CNTNAP2: variants seen among roughly 807,000 people sequenced by gnomAD.
CNTNAP2 encodes the protein contactin associated protein 2, also known as contactin-associated protein-like 2.
CNTNAP2 carries 98 observed loss-of-function variants against 155.2 expected under a neutral mutation model. That is an observed-to-expected ratio of 0.63 (90% CI 0.54 to 0.75). The LOEUF is 0.75. Among genes scored for constraint, CNTNAP2 ranks in the 30% least tolerant of loss-of-function variants. The pLI, the probability that CNTNAP2 is intolerant of heterozygous loss-of-function variation, is 0.00. For synonymous variants in CNTNAP2, 651 were observed against 631.2 expected, an observed-to-expected ratio of 1.03 and a Z score of -0.47; for missense variants, 1,727 against 1,688.1, an observed-to-expected ratio of 1.02 and a Z score of -0.40.
intron 1 of CNTNAP2, among the ~76,000 whole-genome samples, chr7:146,217,533 C>T (rs1562993687): frequency 6.6e-6 from 1 of 152,110 alleles, no homozygotes; most frequent in African/African-American, 2.4e-5. Context: ...TTAGAAGAAA[C>T]CTGAGGCGCA....
intron 13 of CNTNAP2, among the ~76,000 whole-genome samples, chr7:147,859,557 A>G: frequency 6.6e-6 from 1 of 152,124 alleles, no homozygotes; most frequent in East Asian, 1.9e-4. Flanking sequence ...ACATATTTTA[A>G]GACAGTTTTC....
At chr7:148,240,874 G>C (rs1046497679) in intron 20 of CNTNAP2, among the ~76,000 whole-genome samples, 1 of 152,136 alleles carries the variant, frequency 6.6e-6, no homozygotes. Context: ...AAAGATGAAG[G>C]CCAGAAGATG....
At chr7:146,685,789 T>C (rs567889941) in intron 1 of CNTNAP2, among the ~76,000 whole-genome samples, 7 of 152,318 alleles carry the variant, frequency 4.6e-5, no homozygotes, top group African/African-American at 1.2e-4. Context: ...CTGATATATT[T>C]TCTATTAAAC....
chr7:146,805,136 TG>T (rs1802944694), intron 2 of CNTNAP2, among the ~76,000 whole-genome samples: 1 of 152,126 alleles, frequency 6.6e-6, no homozygotes, highest in African/African-American at 2.4e-5. Context: ...TCATAGTGTT[TG>T]GGGTCTTAAG....
At chr7:148,046,523 T>A (rs1443420573) in intron 15 of CNTNAP2, among the ~76,000 whole-genome samples, 1 of 152,194 alleles carries the variant, frequency 6.6e-6, no homozygotes, top group Admixed American at 6.5e-5. Context: ...AGTAATGTAG[T>A]TACTATCTGT....
At chr7:147,736,408 C>T (rs1469780476) in intron 13 of CNTNAP2, among the ~76,000 whole-genome samples, 1 of 152,172 alleles carries the variant, frequency 6.6e-6, no homozygotes, top group Admixed American at 6.5e-5. Flanking sequence ...GTCTGATGGG[C>T]TTCCCTTTGT....
chr7:147,781,788 C>A (rs534397837), intron 13 of CNTNAP2, among the ~76,000 whole-genome samples: 20 of 152,302 alleles, frequency 1.3e-4, no homozygotes, highest in Admixed American at 7.2e-4. Flanking sequence ...CTTTGGGAGG[C>A]TGAGGCGGGC....
At chr7:147,312,961 G>C (rs923036702) in intron 9 of CNTNAP2, among the ~76,000 whole-genome samples, 1 of 138,286 alleles carries the variant, frequency 7.2e-6, no homozygotes, top group Non-Finnish European at 1.5e-5. Flanking sequence ...ATTCTAACTG[G>C]TGTGAGATGG....
At chr7:147,686,366 C>A (rs1042596111) in intron 13 of CNTNAP2, among the ~76,000 whole-genome samples, 1 of 151,982 alleles carries the variant, frequency 6.6e-6, no homozygotes, top group Non-Finnish European at 1.5e-5. Flanking sequence ...CAGAAGTTAG[C>A]TCTAGACTCT....
chr7:147,097,676 G>C (rs542007061), intron 4 of CNTNAP2: 2 of 152,308 alleles, frequency 1.3e-5, no homozygotes, highest in South Asian at 4.1e-4. Flanking sequence ...AATTCAAGAT[G>C]AGATTTGGGT....
intron 8 of CNTNAP2, among the ~76,000 whole-genome samples, chr7:147,211,295 A>G (rs1803140182): frequency 6.6e-6 from 1 of 152,026 alleles, no homozygotes; most frequent in Non-Finnish European, 1.5e-5. Context: ...TACTTGTTTT[A>G]TGAATCTGGG....
At chr7:147,694,207 A>G (rs2116995879) in intron 13 of CNTNAP2, among the ~76,000 whole-genome samples, 1 of 152,188 alleles carries the variant, frequency 6.6e-6, no homozygotes, top group South Asian at 2.1e-4. Flanking sequence ...AATAAATCAC[A>G]GTTGTTCATA....
intron 1 of CNTNAP2, among the ~76,000 whole-genome samples, chr7:146,471,904 C>G (rs1796804677): frequency 6.6e-6 from 1 of 152,094 alleles, no homozygotes; most frequent in African/African-American, 2.4e-5. Flanking sequence ...GGGACCAGTT[C>G]TGGTAGCTGA....
intron 13 of CNTNAP2, among the ~76,000 whole-genome samples, chr7:147,717,591 C>G (rs1240462507): frequency 1.3e-5 from 2 of 152,042 alleles, no homozygotes; most frequent in African/African-American, 4.8e-5. Context: ...ATAGAACTTA[C>G]ACTGCAACTT....
intron 10 of CNTNAP2, among the ~76,000 whole-genome samples, chr7:147,481,162 T>C (rs28430910): frequency 0.3 from 46,285 of 152,072 alleles, 7,761 homozygotes; most frequent in Non-Finnish European, 0.37. Flanking sequence ...TTTTAAAATG[T>C]CTATTTTAAC....
At chr7:146,987,521 G>A (rs1798133844) in intron 3 of CNTNAP2, among the ~76,000 whole-genome samples, 1 of 152,058 alleles carries the variant, frequency 6.6e-6, no homozygotes. Context: ...AGATTTGGAT[G>A]AATTAATTGT....
At chr7:146,425,084 C>G (rs1035646967) in intron 1 of CNTNAP2, among the ~76,000 whole-genome samples, 4 of 152,132 alleles carry the variant, frequency 2.6e-5, no homozygotes, top group Non-Finnish European at 5.9e-5. Context: ...AAACACAACA[C>G]TAGATTTAAA....
intron 1 of CNTNAP2, among the ~76,000 whole-genome samples, chr7:146,521,838 G>GA (rs977598762): frequency 2.0e-5 from 3 of 151,882 alleles, no homozygotes; most frequent in Non-Finnish European, 4.4e-5. Flanking sequence ...GGCTGGTTAA[G>GA]AAAAATATTA....
At chr7:146,644,139 T>C (rs151006594) in intron 1 of CNTNAP2, among the ~76,000 whole-genome samples, 2 of 152,284 alleles carry the variant, frequency 1.3e-5, no homozygotes, top group Admixed American at 1.3e-4. Flanking sequence ...TTTTCCTAAT[T>C]GAATACCCTT....
Sources: gnomAD v4.1 joint callset for allele counts (sites outside exome capture counted in the v4.1 genomes callset) on GRCh38, gnomAD v4.1.1 for gene constraint, MANE v1.5 for transcripts, NCBI Gene and HGNC (gene_info 2026-07-23, HGNC 2026-07-21) for gene names.